PLCB1: variants seen among roughly 807,000 people sequenced by gnomAD.
The protein encoded by PLCB1 is phospholipase C beta 1.
In PLCB1, 46 loss-of-function variants were observed where a neutral mutation model predicts 161.8. That is an observed-to-expected ratio of 0.28 (90% CI 0.22 to 0.36). PLCB1 has a LOEUF of 0.36. PLCB1 is among the 10% of genes least tolerant of loss of function. The pLI is 1.00. For missense variants in PLCB1, 1,016 were observed against 1,472.5 expected (o/e 0.69, Z 5.07); for synonymous variants, 517 against 503.7 (o/e 1.03, Z -0.35).
intron 9 of PLCB1, among the ~76,000 whole-genome samples, chr20:8,679,217 T>C (rs1265798312): frequency 6.6e-6 from 1 of 152,196 alleles, no homozygotes; most frequent in African/African-American, 2.4e-5. Context: ...TCTTTTCCCA[T>C]GTACCTGAAA....
intron 31 of PLCB1, among the ~76,000 whole-genome samples, chr20:8,873,948 G>T (rs541297299): frequency 2.6e-5 from 4 of 151,998 alleles, no homozygotes; most frequent in Admixed American, 6.6e-5. Flanking sequence ...TATTATTGCT[G>T]CCTCTCAAAG....
chr20:8,834,825 AAAAAAAAAAAAAC>A (rs1201435545), intron 31 of PLCB1, among the ~76,000 whole-genome samples: 1,715 of 148,836 alleles, frequency 0.012, 27 homozygotes, highest in Middle Eastern at 0.035. Context: ...AAAAAAAAAA[AAAAAAAAAAAAAC>A]CACAGGCTGC....
chr20:8,710,479 A>C (rs896964359), intron 12 of PLCB1, among the ~76,000 whole-genome samples: 2 of 118,626 alleles, frequency 1.7e-5, no homozygotes, highest in African/African-American at 6.3e-5. Context: ...TCTTTCAGGT[A>C]TTATAGTTTC....
intron 25 of PLCB1, 145 bp downstream of exon 25, chr20:8,760,605 T>C (rs1448024016): frequency 9.3e-6 from 5 of 539,132 alleles, no homozygotes; most frequent in Non-Finnish European, 1.7e-5. Flanking sequence ...ACATACACTT[T>C]TAGTTTAGTC....
intron 3 of PLCB1, among the ~76,000 whole-genome samples, chr20:8,527,534 A>G (rs1185798904): frequency 6.6e-6 from 1 of 152,126 alleles, no homozygotes; most frequent in Non-Finnish European, 1.5e-5. Flanking sequence ...AGCCAGGGCT[A>G]GTAAAGTATA....
At chr20:8,649,584 T>C (rs1262709581) in intron 7 of PLCB1, 135 bp downstream of exon 7, 2 of 655,350 alleles carry the variant, frequency 3.1e-6, no homozygotes, top group African/African-American at 3.6e-5. Flanking sequence ...ATTAATGGGT[T>C]AATGAATTAA....
chr20:8,619,981 T>A (rs2123193984), intron 3 of PLCB1, among the ~76,000 whole-genome samples: 1 of 152,292 alleles, frequency 6.6e-6, no homozygotes, highest in South Asian at 2.1e-4. Context: ...TCATTTTCAT[T>A]TGTAGAACTT....
intron 3 of PLCB1, among the ~76,000 whole-genome samples, chr20:8,400,968 C>T (rs1380605924): frequency 2.6e-5 from 4 of 152,064 alleles, no homozygotes; most frequent in Non-Finnish European, 5.9e-5. Flanking sequence ...AATGGCTCAG[C>T]GAAGAGATTA....
intron 3 of PLCB1, among the ~76,000 whole-genome samples, chr20:8,498,311 G>A (rs1433100761): frequency 2.0e-5 from 3 of 151,744 alleles, no homozygotes; most frequent in South Asian, 2.1e-4. Flanking sequence ...TGGCCAAGAT[G>A]GTCTCGATCT....
intron 15 of PLCB1, among the ~76,000 whole-genome samples, chr20:8,723,611 C>G (rs1979767435): frequency 6.6e-6 from 1 of 152,166 alleles, no homozygotes; most frequent in Non-Finnish European, 1.5e-5. Flanking sequence ...CTGTTCTAAG[C>G]TCCTTCACAT....
chr20:8,656,796 A>G (rs1989471407), intron 7 of PLCB1, among the ~76,000 whole-genome samples: 1 of 151,912 alleles, frequency 6.6e-6, no homozygotes, highest in Non-Finnish European at 1.5e-5. Flanking sequence ...GTAGGAAAAA[A>G]AAAAAAACCT....
chr20:8,425,427 T>C (rs1979719599), intron 3 of PLCB1, among the ~76,000 whole-genome samples: 2 of 152,132 alleles, frequency 1.3e-5, no homozygotes, highest in Non-Finnish European at 2.9e-5. Context: ...TCATGTTATC[T>C]ATGGCAGTGC....
At chr20:8,623,490 TCCATC>T (rs1988242113) in intron 3 of PLCB1, among the ~76,000 whole-genome samples, 1 of 152,162 alleles carries the variant, frequency 6.6e-6, no homozygotes, top group South Asian at 2.1e-4. Flanking sequence ...TCATCATTAT[TCCATC>T]CCAAAACAAA....
chr20:8,215,768 A>G (rs1052300219), intron 2 of PLCB1, among the ~76,000 whole-genome samples: 1 of 152,074 alleles, frequency 6.6e-6, no homozygotes, highest in Non-Finnish European at 1.5e-5. Flanking sequence ...CAGCCTCAGA[A>G]GGCAGCCTTA....
chr20:8,647,221 A>G (rs1398153948), intron 5 of PLCB1, among the ~76,000 whole-genome samples: 1 of 152,120 alleles, frequency 6.6e-6, no homozygotes, highest in Non-Finnish European at 1.5e-5. Context: ...TTTCCAGACA[A>G]TGTTTCTAGA....
chr20:8,866,179 C>T (rs965789020), intron 31 of PLCB1, among the ~76,000 whole-genome samples: 3 of 152,164 alleles, frequency 2.0e-5, no homozygotes, highest in South Asian at 4.1e-4. Flanking sequence ...ACCACACTTA[C>T]GTGACGAAGA....
intron 31 of PLCB1, among the ~76,000 whole-genome samples, chr20:8,854,731 A>C (rs1269018994): frequency 6.6e-6 from 1 of 152,210 alleles, no homozygotes; most frequent in African/African-American, 2.4e-5. Context: ...CCACAGCTGG[A>C]GCAGTCTGTT....
chr20:8,715,081 C>T (rs900668206), intron 12 of PLCB1, among the ~76,000 whole-genome samples: 5 of 152,172 alleles, frequency 3.3e-5, no homozygotes, highest in African/African-American at 1.2e-4. Flanking sequence ...ATTCTTAGTA[C>T]AGTCACAGTC....
intron 1 of PLCB1, among the ~76,000 whole-genome samples, chr20:8,141,685 ATCAG>A (rs1312858420): frequency 6.6e-6 from 1 of 152,022 alleles, no homozygotes; most frequent in Non-Finnish European, 1.5e-5. Context: ...GATATTCTAC[ATCAG>A]TCAGTCAGCG....
Sources: gnomAD v4.1 joint callset for allele counts (sites outside exome capture counted in the v4.1 genomes callset) on GRCh38, gnomAD v4.1.1 for gene constraint, MANE v1.5 for transcripts, NCBI Gene and HGNC (gene_info 2026-07-23, HGNC 2026-07-21) for gene names.